MRPL44: variants seen among roughly 807,000 people sequenced by gnomAD.
MRPL44 encodes mitochondrial ribosomal protein L44, also known as large ribosomal subunit protein mL44.
Under a neutral mutation model 25.9 loss-of-function variants are expected in MRPL44, and 21 were observed. The ratio of observed to expected loss-of-function variants is 0.81; its 90% CI spans 0.58 to 1.17. The LOEUF is 1.17. MRPL44 is among the 50% of genes most tolerant of loss of function. The pLI is 0.00. For missense variants in MRPL44, 410 were observed against 398.9 expected (o/e 1.03, Z -0.24); for synonymous variants, 169 against 151.0 (o/e 1.12, Z -0.87).
intron 3 of MRPL44, among the ~76,000 whole-genome samples, chr2:223,964,784 T>G (rs911043352): frequency 4.6e-5 from 7 of 152,240 alleles, no homozygotes; most frequent in Non-Finnish European, 8.8e-5. Flanking sequence ...AACTTTGGGT[T>G]GTTTGCCTTA....
intron 1 of MRPL44, among the ~76,000 whole-genome samples, chr2:223,959,014 G>A (rs980968437): frequency 2.6e-5 from 4 of 152,174 alleles, no homozygotes; most frequent in African/African-American, 9.7e-5. Flanking sequence ...ACAATAGACC[G>A]AAGTACAGTG....
chr2:223,967,072 A>G lies in MRPL44; in HGVS notation c.*38A>G. ...CAGCAGCCTGAAACTTGAGAGCGAA[A>G]GTGAGATAAATGTCAAAGGTGTTTC... On this transcript the variant is annotated 3_prime_UTR_variant, in exon 4 of 4. Transcript: ENST00000258383. 2.6e-6 allele frequency: 4 copies of G among 1,545,982 alleles called. No individual in the cohort carries two copies. The highest frequency in any genetic ancestry group is 3.5e-6 in the Non-Finnish European group (4 of 1,142,256).
chr2:223,967,097 C>G lies in MRPL44; in HGVS notation c.*63C>G. The stretch of plus-strand genomic sequence containing the variant: ...AGTGAGATAAATGTCAAAGGTGTTT[C>G]AAGCCAGACATTTTCACAATTGTGA... On this transcript the variant is annotated 3_prime_UTR_variant, in exon 4 of 4. Transcript: ENST00000258383. 1.4e-6 allele frequency: 2 copies of G among 1,419,618 alleles called. No individual in the cohort carries two copies. Among genetic ancestry groups the G allele is most frequent in the Non-Finnish European group, 1.9e-6 (2 of 1,055,506 alleles). 87.9% of individuals were successfully genotyped at this position (1,419,618 alleles called of 1,614,324 possible).
rs761977279 is a variant in MRPL44, at chr2:223,966,970, G to A, written c.935G>A (p.Arg312Gln). The change falls in exon 4 of 4, where the codon CGG becomes CAG. Residue 312 changes from arginine (R) to glutamine (Q), a missense_variant. By Grantham distance (43) the Arg-to-Gln change is conservative (BLOSUM62 1). Transcript: ENST00000258383. Reference protein sequence around the residue: ...RKLYGFTENRRPWNYSKPKET... With the variant: ...RKLYGFTENRQPWNYSKPKET... The stretch of plus-strand genomic sequence containing the variant: ...CTTTATGGATTCACAGAAAATAGAC[G>A]GCCGTGGAACTATTCCAAGCCCAAA... 7 of 1,613,898 alleles carry A rather than the reference G, an allele frequency of 4.3e-6. No individual in the cohort carries two copies. The highest frequency in any genetic ancestry group is 1.3e-5 in the African/African-American group (1 of 74,914).
upstream of MRPL44, among the ~76,000 whole-genome samples, chr2:223,955,333 C>T (rs1416459802): frequency 6.6e-6 from 1 of 152,118 alleles, no homozygotes; most frequent in Admixed American, 6.5e-5. Context: ...AATTTTCATT[C>T]TATGGTAATT....
the MRPL44 span, among the ~76,000 whole-genome samples, chr2:223,952,449 G>T: frequency 6.6e-6 from 1 of 152,158 alleles, no homozygotes; most frequent in African/African-American, 2.4e-5. Flanking sequence ...AGGCCTTTCA[G>T]TTCTAACACC....
the MRPL44 span, among the ~76,000 whole-genome samples, chr2:223,951,209 ACCTG>A: frequency 6.6e-6 from 1 of 152,184 alleles, no homozygotes; most frequent in Non-Finnish European, 1.5e-5. Context: ...CAGGGGTAAA[ACCTG>A]ATTGAAGTGA....
At chr2:223,956,766 T>TA (rs1324022375), upstream of MRPL44, among the ~76,000 whole-genome samples, 1 of 152,204 alleles carries the variant, frequency 6.6e-6, no homozygotes, top group African/African-American at 2.4e-5. Context: ...TATGTTCTTT[T>TA]AAAAATTGTA....
upstream of MRPL44, among the ~76,000 whole-genome samples, chr2:223,956,509 G>A (rs1281680274): frequency 6.6e-6 from 1 of 152,160 alleles, no homozygotes; most frequent in Admixed American, 6.5e-5. Context: ...CACGGAAAGA[G>A]GTGAGGAGAG....
chr2:223,960,059 G>A, intron 2 of MRPL44, 57 bp downstream of exon 2: 1 of 1,366,174 alleles, frequency 7.3e-7, no homozygotes, highest in East Asian at 2.3e-5. Flanking sequence ...ATATTCTTTT[G>A]TAATTCACTT....
intron 3 of MRPL44, chr2:223,965,864 C>G (rs1474717683): frequency 1.3e-5 from 2 of 151,294 alleles, no homozygotes; most frequent in Non-Finnish European, 2.9e-5. Context: ...TATTTATCTT[C>G]TTTCTTTTTT....
rs747065129 is a variant in MRPL44 at position 223,959,644 on chromosome 2, A to G, written c.290A>G (p.Tyr97Cys). 9 of 1,614,088 alleles carry G rather than the reference A, an allele frequency of 5.6e-6. No homozygotes were observed. The Admixed American group carries it at 8.3e-5, about 15-fold the overall frequency. Residue 97 changes from tyrosine (Y) to cysteine (C), a missense_variant, in exon 2 of 4, where the codon TAT becomes TGT. By Grantham distance (194) the Tyr-to-Cys change is radical (BLOSUM62 -2). Transcript: ENST00000258383. ...AAAACTGCATTTGTTAATAGCTGCT[A>G]TATTAAAAGTGAGGAGGCCAAACGC... ...LLKTAFVNSC[Y>C]IKSEEAKRQQ...
At chr2:223,957,410 G>T, upstream of MRPL44, 1 of 1,593,976 alleles carries the variant, frequency 6.3e-7, no homozygotes. Context: ...TCCGGGGGAA[G>T]TGTGTTACGG....
chr2:223,951,092 T>C, the MRPL44 span, among the ~76,000 whole-genome samples: 6 of 152,308 alleles, frequency 3.9e-5, no homozygotes, highest in African/African-American at 1.2e-4. Flanking sequence ...ATTGTGTGTA[T>C]TGTCCTGAAG....
intron 1 of MRPL44, 50 bp from the exon 2 acceptor site, chr2:223,959,484 C>A: frequency 7.3e-7 from 1 of 1,366,778 alleles, no homozygotes; most frequent in Non-Finnish European, 1.0e-6. Context: ...TTTTATATCA[C>A]AGTAACAGGT....
In MRPL44 at chr2:223,963,935, G is replaced by T; in HGVS notation, c.827+1G>T. 1.2e-6 allele frequency: 2 copies of T among 1,608,240 alleles called. No homozygotes were observed. The highest frequency in any genetic ancestry group is 1.7e-6 in the Non-Finnish European group (2 of 1,178,012). On this transcript the variant is annotated splice_donor_variant, in intron 3 of 3. Coordinates refer to ENST00000258383, the MANE Select transcript of MRPL44 (RefSeq NM_022915.5). LOFTEE classifies it high-confidence loss of function. ...CTTTGTATTTTGTTGGCTTATACTG[G>T]TTAGTGAAATTTTAATCTTAACTTT...
chr2:223,959,492 GGTT>G (rs1275137142), intron 1 of MRPL44, 39 bp from the exon 2 acceptor site: 3 of 1,440,454 alleles, frequency 2.1e-6, no homozygotes, highest in Non-Finnish European at 2.8e-6. Flanking sequence ...CACAGTAACA[GGTT>G]GTTCTCTTTA....
chr2:223,955,624 G>C (rs1347839978), upstream of MRPL44, among the ~76,000 whole-genome samples: 3 of 152,094 alleles, frequency 2.0e-5, no homozygotes, highest in African/African-American at 7.2e-5. Flanking sequence ...ACCCTCAATC[G>C]CCTCACCTCC....
At chr2:223,951,816 C>T in the MRPL44 span, among the ~76,000 whole-genome samples, 2 of 152,110 alleles carry the variant, frequency 1.3e-5, no homozygotes, top group African/African-American at 4.8e-5. Context: ...GTCTATCCCG[C>T]CATCACCTCC....
Sources: allele counts gnomAD v4.1 joint callset (sites outside exome capture counted in the v4.1 genomes callset), GRCh38; gene constraint gnomAD v4.1.1; transcripts MANE v1.5; gene names NCBI Gene and HGNC (gene_info 2026-07-23, HGNC 2026-07-21).